Variants in EXOC6B observed in about 807,000 individuals in gnomAD.
EXOC6B encodes the protein SEC15 homolog B.
EXOC6B carries 54 observed loss-of-function variants against 113.5 expected under a neutral mutation model. The observed-to-expected ratio is 0.48, with a 90% CI of 0.38 to 0.60. The LOEUF (loss-of-function observed/expected upper bound fraction) is 0.60, where lower values mean the gene tolerates loss of function less well. Among genes scored for constraint, EXOC6B ranks in the 20% least tolerant of loss-of-function variants. The pLI, the probability that EXOC6B is intolerant of heterozygous loss-of-function variation, is 0.00. For synonymous variants in EXOC6B, 357 were observed against 339.0 expected, an observed-to-expected ratio of 1.05 and a Z score of -0.58; for missense variants, 797 against 977.5, an observed-to-expected ratio of 0.82 and a Z score of 2.46.
At chr2:72,734,051 G>T (rs1301865345) in intron 2 of EXOC6B, among the ~76,000 whole-genome samples, 2 of 152,098 alleles carry the variant, frequency 1.3e-5, no homozygotes, top group Non-Finnish European at 2.9e-5. Context: ...GATATGATAT[G>T]CACTGTAAAT....
chr2:72,406,809 C>G (rs1693803804), intron 18 of EXOC6B, among the ~76,000 whole-genome samples: 1 of 152,040 alleles, frequency 6.6e-6, no homozygotes, highest in Non-Finnish European at 1.5e-5. Flanking sequence ...GAAGCAAGAG[C>G]AAACACATTC....
At chr2:72,743,456 C>CT (rs1418659138) in intron 1 of EXOC6B, among the ~76,000 whole-genome samples, 6 of 152,080 alleles carry the variant, frequency 3.9e-5, no homozygotes, top group African/African-American at 9.7e-5. Flanking sequence ...GCTACCCTGG[C>CT]TTTTTTTAAA....
chr2:72,736,743 G>A (rs1216020685), intron 2 of EXOC6B, among the ~76,000 whole-genome samples: 4 of 152,132 alleles, frequency 2.6e-5, no homozygotes, highest in African/African-American at 9.7e-5. Context: ...TCTACCACAC[G>A]ACTACTTCGA....
chr2:72,194,214 CG>C (rs1268466606), intron 20 of EXOC6B, among the ~76,000 whole-genome samples: 1 of 151,972 alleles, frequency 6.6e-6, no homozygotes, highest in Admixed American at 6.6e-5. Flanking sequence ...TAACAACTGG[CG>C]TAAGAATTAT....
chr2:72,612,284 A>G (rs989700903), intron 6 of EXOC6B, among the ~76,000 whole-genome samples: 8 of 152,076 alleles, frequency 5.3e-5, no homozygotes, highest in Admixed American at 4.6e-4. Context: ...CAAAAAAAAA[A>G]AGAAAAAATC....
intron 20 of EXOC6B, among the ~76,000 whole-genome samples, chr2:72,310,198 T>G (rs1156660658): frequency 6.6e-6 from 1 of 152,198 alleles, no homozygotes; most frequent in East Asian, 1.9e-4. Flanking sequence ...TTTAACTTTT[T>G]GAGGAAACAC....
At chr2:72,817,236 AAAG>A (rs1035481274) in intron 1 of EXOC6B, among the ~76,000 whole-genome samples, 1 of 152,220 alleles carries the variant, frequency 6.6e-6, no homozygotes, top group African/African-American at 2.4e-5. Context: ...ACAGCACTAC[AAAG>A]AACACTGAGG....
At chr2:72,498,708 A>G (rs1442174275) in intron 12 of EXOC6B, among the ~76,000 whole-genome samples, 157 bp from the exon 13 acceptor site, 2 of 151,804 alleles carry the variant, frequency 1.3e-5, no homozygotes, top group Non-Finnish European at 2.9e-5. Flanking sequence ...TCTTTCATTC[A>G]CACCTAATAT....
intron 20 of EXOC6B, among the ~76,000 whole-genome samples, chr2:72,253,470 A>T (rs781060369): frequency 1.3e-5 from 2 of 152,200 alleles, no homozygotes; most frequent in African/African-American, 2.4e-5. Context: ...GGTAGGCCGG[A>T]TAGGAAAATG....
intron 6 of EXOC6B, among the ~76,000 whole-genome samples, chr2:72,619,830 G>A (rs1671635653): frequency 6.6e-6 from 1 of 152,304 alleles, no homozygotes; most frequent in South Asian, 2.1e-4. Context: ...GCTAGCAGGG[G>A]GATCTCCCCA....
intron 6 of EXOC6B, among the ~76,000 whole-genome samples, chr2:72,636,997 G>T (rs1672884321): frequency 6.7e-6 from 1 of 148,788 alleles, no homozygotes; most frequent in Non-Finnish European, 1.5e-5. Flanking sequence ...GATAGCAAAA[G>T]ACCAATTTCA....
intron 8 of EXOC6B, among the ~76,000 whole-genome samples, chr2:72,519,652 C>T (rs763979705): frequency 6.6e-6 from 1 of 152,106 alleles, no homozygotes; most frequent in Admixed American, 6.5e-5. Flanking sequence ...GCTCAGTATT[C>T]GCTCACTCAG....
At chr2:72,285,893 C>T (rs1193671155) in intron 20 of EXOC6B, among the ~76,000 whole-genome samples, 1 of 152,008 alleles carries the variant, frequency 6.6e-6, no homozygotes, top group Non-Finnish European at 1.5e-5. Flanking sequence ...AAAGACGATC[C>T]ACATCATATG....
intron 1 of EXOC6B, among the ~76,000 whole-genome samples, chr2:72,823,459 G>GAAAAAAGAAAAAA (rs1686693497): frequency 2.9e-5 from 2 of 70,030 alleles, no homozygotes; most frequent in African/African-American, 1.6e-4. Context: ...AAAGTTTTAA[G>GAAAAAAGAAAAAA]AAAAAAAAAA....
intron 17 of EXOC6B, among the ~76,000 whole-genome samples, chr2:72,474,451 C>G (rs765401150): frequency 6.6e-6 from 1 of 151,906 alleles, no homozygotes; most frequent in Non-Finnish European, 1.5e-5. Context: ...AGGCTTTGCT[C>G]ATTCTTTTTT....
chr2:72,283,252 G>A (rs951289992), intron 20 of EXOC6B, among the ~76,000 whole-genome samples: 4 of 152,116 alleles, frequency 2.6e-5, no homozygotes, highest in Non-Finnish European at 4.4e-5. Flanking sequence ...AAAGACAGCT[G>A]CAGAGACTTC....
At chr2:72,197,238 A>C (rs11685903) in intron 20 of EXOC6B, among the ~76,000 whole-genome samples, 24,065 of 152,186 alleles carry the variant, frequency 0.16, 2,825 homozygotes, top group African/African-American at 0.33. Flanking sequence ...TTTATAGATA[A>C]AGAAAAGAAA....
chr2:72,447,854 C>G (rs1326891879), intron 18 of EXOC6B, among the ~76,000 whole-genome samples: 2 of 152,256 alleles, frequency 1.3e-5, no homozygotes, highest in East Asian at 3.9e-4. Flanking sequence ...TAGTCCTCTC[C>G]TCTAAAATAC....
intron 8 of EXOC6B, among the ~76,000 whole-genome samples, chr2:72,528,581 G>A (rs1309654000): frequency 6.6e-6 from 1 of 151,934 alleles, no homozygotes; most frequent in African/African-American, 2.4e-5. Flanking sequence ...CAAAAAGCTT[G>A]CTGGAACTTT....
Sources: allele counts gnomAD v4.1 joint callset (sites outside exome capture counted in the v4.1 genomes callset), GRCh38; gene constraint gnomAD v4.1.1; transcripts MANE v1.5; gene names NCBI Gene and HGNC (gene_info 2026-07-23, HGNC 2026-07-21).